PLEKHA6: variants seen among roughly 807,000 people sequenced by gnomAD.
The protein encoded by PLEKHA6 is pleckstrin homology domain-containing family A member 6.
PLEKHA6 carries 60 observed loss-of-function variants against 116.7 expected under a neutral mutation model. The observed-to-expected ratio is 0.51, with a 90% confidence interval of 0.42 to 0.64. The LOEUF is 0.64. PLEKHA6 is among the 30% of genes least tolerant of loss of function. The pLI is 0.00. For missense variants in PLEKHA6, 1,338 were observed against 1,422.7 expected (o/e 0.94, Z 0.96); for synonymous variants, 489 against 556.1 (o/e 0.88, Z 1.70).
At chr1:204,233,728 C>T (rs1352472282) in intron 17 of PLEKHA6, among the ~76,000 whole-genome samples, 3 of 152,092 alleles carry the variant, frequency 2.0e-5, no homozygotes, top group African/African-American at 4.8e-5. Context: ...GGACTACAGG[C>T]GTGAACCACT....
intron 6 of PLEKHA6, among the ~76,000 whole-genome samples, chr1:204,263,490 A>G (rs994253267): frequency 6.6e-6 from 1 of 152,096 alleles, no homozygotes; most frequent in Non-Finnish European, 1.5e-5. Flanking sequence ...AATAGCCACA[A>G]TCAGAACCCT....
chr1:204,302,847 G>A (rs527819004), intron 1 of PLEKHA6, among the ~76,000 whole-genome samples: 3 of 151,924 alleles, frequency 2.0e-5, no homozygotes, highest in African/African-American at 7.3e-5. Context: ...TTGCACTCCA[G>A]CCTGGGGGAC....
At chr1:204,299,276 C>G (rs781277770) in intron 1 of PLEKHA6, among the ~76,000 whole-genome samples, 1 of 152,208 alleles carries the variant, frequency 6.6e-6, no homozygotes, top group Non-Finnish European at 1.5e-5. Context: ...AGGGAAAGCA[C>G]TGGGAATTTT....
At chr1:204,243,245 G>A (rs1663107913) in intron 15 of PLEKHA6, 1 of 399,728 alleles carries the variant, frequency 2.5e-6, no homozygotes, top group Non-Finnish European at 4.4e-6. Flanking sequence ...GGGAGGGGAG[G>A]CCGAGGCGGG....
At chr1:204,247,298 G>T in intron 13 of PLEKHA6, 67 bp downstream of exon 13, 1 of 958,190 alleles carries the variant, frequency 1.0e-6, no homozygotes. Context: ...CTTTGCTTTT[G>T]TCTCGAGGCC....
chr1:204,248,763 T>C, intron 12 of PLEKHA6, 58 bp downstream of exon 12: 1 of 1,526,344 alleles, frequency 6.6e-7, no homozygotes, highest in South Asian at 1.2e-5. Flanking sequence ...TGGGAGGTGG[T>C]GGCCCTGCTG....
At chr1:204,242,547 T>G (rs1662977175) in intron 15 of PLEKHA6, among the ~76,000 whole-genome samples, 1 of 152,208 alleles carries the variant, frequency 6.6e-6, no homozygotes, top group Non-Finnish European at 1.5e-5. Flanking sequence ...CACAGGACTC[T>G]TTCTACTCAC....
intron 13 of PLEKHA6, among the ~76,000 whole-genome samples, chr1:204,246,724 A>C (rs1329603817): frequency 1.3e-5 from 2 of 152,240 alleles, no homozygotes; most frequent in Non-Finnish European, 2.9e-5. Flanking sequence ...GCCTCCAGGC[A>C]GACTGTTTCT....
intron 1 of PLEKHA6, among the ~76,000 whole-genome samples, chr1:204,301,897 A>C (rs1670860174): frequency 6.6e-6 from 1 of 152,146 alleles, no homozygotes; most frequent in African/African-American, 2.4e-5. Flanking sequence ...TTATGGACTC[A>C]ACCCACTCTA....
Position 204,308,974 on chromosome 1 carries a change from C to A in PLEKHA6, c.-94-34165G>T, listed in dbSNP as rs987202397. 12 of 540,628 alleles carry A rather than the reference C, an allele frequency of 2.2e-5. No homozygotes were observed. The Admixed American group carries it at 2.5e-4, about 11-fold the overall frequency. 33.5% of individuals were successfully genotyped at this position (540,628 alleles called of 1,614,324 possible). ...AAAGTGCTGGGATTACAGGCGTGAG[C>A]CACCACGCCCGGCCTCAAGAAGGTA... On this transcript the variant is annotated intron_variant, in intron 1 of 22. Coordinates refer to ENST00000272203, the MANE Select transcript of PLEKHA6 (RefSeq NM_014935.5).
rs1279789850 is a variant in PLEKHA6 at position 204,347,293 on chromosome 1, G to A, written c.-95+12401C>T. 2.7e-5 allele frequency: 23 copies of A among 860,618 alleles called. 2 individuals are homozygous for A. The highest frequency in any genetic ancestry group is 1.1e-4 in the South Asian group (8 of 74,658). 53.3% of individuals were successfully genotyped at this position (860,618 alleles called of 1,614,324 possible). A position where few individuals can be genotyped will look rare whatever the true frequency, so the allele number is the denominator to read the frequency against. ...TTACTGGAAGATGGCAGTTATGGCCGAAAGGCTCCCATTTGCTTTTGAAAG... is the reference window on the plus strand; with the variant it reads ...TTACTGGAAGATGGCAGTTATGGCCAAAAGGCTCCCATTTGCTTTTGAAAG... On this transcript the variant is annotated intron_variant, in intron 1 of 22. Coordinates refer to ENST00000272203, the MANE Select transcript of PLEKHA6 (RefSeq NM_014935.5).
Position 204,251,667 on chromosome 1 carries a change from C to T in PLEKHA6, c.1525-1053G>A, listed in dbSNP as rs1449047629. On this transcript the variant is annotated intron_variant, in intron 9 of 22. Coordinates refer to ENST00000272203, the MANE Select transcript of PLEKHA6 (RefSeq NM_014935.5). ...ACTCCGACCTACATGTAGGTATCTC[C>T]CCTTCACCCACCTGTGCTTGTTTCC... is the stretch of plus-strand genomic sequence containing the variant. The T allele has an allele frequency of 3.2e-5, 22 of 688,638 alleles. No homozygotes were observed. In the East Asian group the frequency reaches 6.0e-4, roughly 19 times the overall value. 42.7% of individuals were successfully genotyped at this position (688,638 alleles called of 1,614,324 possible).
chr1:204,322,463 C>T (rs995976101), intron 1 of PLEKHA6, among the ~76,000 whole-genome samples: 1 of 152,208 alleles, frequency 6.6e-6, no homozygotes, highest in East Asian at 1.9e-4. Flanking sequence ...AGCTCCCTGG[C>T]GTGACTTGGG....
chr1:204,234,245 G>A (rs1661624815), intron 17 of PLEKHA6, among the ~76,000 whole-genome samples: 1 of 152,176 alleles, frequency 6.6e-6, no homozygotes, highest in African/African-American at 2.4e-5. Context: ...TACAACCCAA[G>A]GAATGCCAAG....
chr1:204,337,569 G>A (rs1487691289), intron 1 of PLEKHA6, among the ~76,000 whole-genome samples: 2 of 152,188 alleles, frequency 1.3e-5, no homozygotes, highest in African/African-American at 2.4e-5. Context: ...ATGAGCTCTC[G>A]TTGGAATTAA....
In PLEKHA6 at chr1:204,310,946, T is replaced by TAA. The variant is rs200873451; in HGVS notation, c.-94-36139_-94-36138dup. On this transcript the variant is annotated intron_variant, in intron 1 of 22. Transcript: ENST00000272203. The stretch of plus-strand genomic sequence containing the variant: ...TGCGGGTGTGGGGAGGAACTTGCCC[T>TAA]AATTCCAATCTCTAGTGCATTAGCC... Among the ~76,000 whole-genome samples the TAA allele has an allele frequency of 1.0e-3, 159 of 152,296 alleles. 1 individual carries two copies. In the East Asian group the frequency reaches 0.029, roughly 28 times the overall value.
chr1:204,312,458 A>C (rs1235533255), intron 1 of PLEKHA6, among the ~76,000 whole-genome samples: 2 of 152,220 alleles, frequency 1.3e-5, no homozygotes, highest in African/African-American at 4.8e-5. Context: ...AGTGGCACAC[A>C]GTCCTGTGCT....
chr1:204,289,159 C>G (rs1258674928), intron 1 of PLEKHA6, among the ~76,000 whole-genome samples: 1 of 152,184 alleles, frequency 6.6e-6, no homozygotes, highest in Non-Finnish European at 1.5e-5. Flanking sequence ...AACCCCATAT[C>G]AGAGCATCTC....
At chr1:204,360,630 C>T (rs571062767), upstream of PLEKHA6, among the ~76,000 whole-genome samples, 1 of 152,118 alleles carries the variant, frequency 6.6e-6, no homozygotes, top group Admixed American at 6.5e-5. Context: ...CTAAGACAGA[C>T]CCACTTGTAT....
Sources: allele counts gnomAD v4.1 joint callset (sites outside exome capture counted in the v4.1 genomes callset), GRCh38; gene constraint gnomAD v4.1.1; transcripts MANE v1.5; gene names NCBI Gene and HGNC (gene_info 2026-07-23, HGNC 2026-07-21).